Variants in ENTPD1 observed in about 807,000 individuals in gnomAD.
ENTPD1 encodes the protein ectonucleoside triphosphate diphosphohydrolase 1.
ENTPD1 carries 33 observed loss-of-function variants against 57.0 expected under a neutral mutation model. That is an observed-to-expected ratio of 0.58 (90% CI 0.44 to 0.77). ENTPD1 has a LOEUF of 0.77. ENTPD1 is among the 30% of genes least tolerant of loss of function. The pLI, the probability that ENTPD1 is intolerant of heterozygous loss-of-function variation, is 0.00. For synonymous variants in ENTPD1, 202 were observed against 218.8 expected (o/e 0.92, Z 0.68); for missense variants, 501 against 603.4 (o/e 0.83, Z 1.78).
rs2098204869 is a variant in ENTPD1 at position 95,791,757 on chromosome 10, C to G, written c.17-31480C>G. Among the ~76,000 whole-genome samples the G allele has an allele frequency of 6.6e-6, 1 of 152,190 alleles. No homozygotes were observed. The highest frequency in any genetic ancestry group is 1.5e-5 in the Non-Finnish European group (1 of 68,036). On this transcript the variant is annotated intron_variant, in intron 1 of 9. Coordinates refer to ENST00000371205, the MANE Select transcript of ENTPD1 (RefSeq NM_001776.6). This position sits in a 1 kb window ranked among gnomAD's most constrained non-coding sequence, Gnocchi z 4.1. Reference sequence around the variant, plus strand: ...TGGGGGTAGAGGTGTTAAAAGTGAACAGTGCCTGGGCCCCATGCTAGAAAT... The same window carrying G: ...TGGGGGTAGAGGTGTTAAAAGTGAAGAGTGCCTGGGCCCCATGCTAGAAAT...
At chr10:95,806,135 A>G (rs1049816866) in intron 1 of ENTPD1, among the ~76,000 whole-genome samples, 4 of 152,220 alleles carry the variant, frequency 2.6e-5, no homozygotes, top group African/African-American at 7.2e-5. Context: ...CACCAATCAG[A>G]CATAGATTTG....
chr10:95,859,885 T>G (rs939975491), intron 7 of ENTPD1, among the ~76,000 whole-genome samples: 5 of 152,208 alleles, frequency 3.3e-5, no homozygotes, highest in African/African-American at 1.2e-4. Context: ...TTTAACTTTT[T>G]TTATAGTTCT....
intron 1 of ENTPD1, among the ~76,000 whole-genome samples, chr10:95,727,017 C>T (rs886836485): frequency 5.3e-5 from 8 of 152,142 alleles, no homozygotes; most frequent in Admixed American, 1.3e-4. Flanking sequence ...GAAGCTCCTT[C>T]GTCAGTGTTT....
At chr10:95,722,474 T>A (rs1471916985) in intron 1 of ENTPD1, among the ~76,000 whole-genome samples, 30 of 152,026 alleles carry the variant, frequency 2.0e-4, no homozygotes, top group Non-Finnish European at 1.5e-4. Flanking sequence ...CCATAAAAAA[T>A]GATGAGTTCA....
chr10:95,816,143 A>G (rs1435715071), intron 1 of ENTPD1, among the ~76,000 whole-genome samples: 1 of 152,068 alleles, frequency 6.6e-6, no homozygotes, highest in African/African-American at 2.4e-5. Flanking sequence ...CTTGAATTCA[A>G]TTAACACTTT....
intron 2 of ENTPD1, among the ~76,000 whole-genome samples, chr10:95,826,267 A>G (rs1421513099): frequency 1.3e-5 from 2 of 152,128 alleles, no homozygotes; most frequent in Non-Finnish European, 2.9e-5. Context: ...TGGGAAAGAC[A>G]TAGGTAAAGG....
intron 1 of ENTPD1, among the ~76,000 whole-genome samples, chr10:95,731,781 CT>C (rs34841311): frequency 0.12 from 9,747 of 78,930 alleles, 441 homozygotes; most frequent in Middle Eastern, 0.24. Context: ...AGTGGACATC[CT>C]TTTTTTTTTT....
At chr10:95,845,637 C>T (rs773861607) in intron 6 of ENTPD1, 41 bp downstream of exon 6, 20 of 1,614,190 alleles carry the variant, frequency 1.2e-5, no homozygotes, top group Non-Finnish European at 1.7e-5. Context: ...TTCACATCTG[C>T]ACCTCCAGCC....
intron 1 of ENTPD1, among the ~76,000 whole-genome samples, chr10:95,762,189 T>TA (rs1230829696): frequency 1.7e-5 from 2 of 116,728 alleles, no homozygotes; most frequent in South Asian, 5.5e-4. Flanking sequence ...CTGCTTGGTT[T>TA]AAAAAAATTT....
chr10:95,845,818 C>T (rs1479055980), intron 6 of ENTPD1: 11 of 618,754 alleles, frequency 1.8e-5, no homozygotes, highest in African/African-American at 9.2e-5. Flanking sequence ...TCCACAGACA[C>T]AACTGAGATC....
intron 2 of ENTPD1, among the ~76,000 whole-genome samples, chr10:95,827,110 A>T (rs10748648): frequency 0.54 from 81,962 of 151,928 alleles, 22,540 homozygotes; most frequent in Admixed American, 0.63. Flanking sequence ...TAATAATATA[A>T]TTTATGTGGC....
chr10:95,838,990 T>C (rs1373572942), intron 2 of ENTPD1, among the ~76,000 whole-genome samples: 1 of 152,202 alleles, frequency 6.6e-6, no homozygotes, highest in African/African-American at 2.4e-5. Flanking sequence ...GTACATATAT[T>C]GTAAAATATA....
At chr10:95,714,437 A>G (rs1336948928) in intron 1 of ENTPD1, among the ~76,000 whole-genome samples, 1 of 152,132 alleles carries the variant, frequency 6.6e-6, no homozygotes, top group African/African-American at 2.4e-5. Flanking sequence ...TTCAGGTCTC[A>G]GTTTTGGATT....
At chr10:95,737,802 C>T (rs1358282212) in intron 1 of ENTPD1, among the ~76,000 whole-genome samples, 2 of 152,188 alleles carry the variant, frequency 1.3e-5, no homozygotes, top group Admixed American at 6.5e-5. Context: ...GAGTTTTGCT[C>T]TAAATTGCAA....
intron 7 of ENTPD1, among the ~76,000 whole-genome samples, chr10:95,857,110 T>C (rs1170066886): frequency 6.6e-6 from 1 of 152,142 alleles, no homozygotes; most frequent in Non-Finnish European, 1.5e-5. Context: ...AGCAAGATTC[T>C]GAGATGCCAG....
upstream of ENTPD1, among the ~76,000 whole-genome samples, chr10:95,752,679 C>G (rs969097354): frequency 7.9e-5 from 12 of 152,148 alleles, no homozygotes; most frequent in East Asian, 2.3e-3. Context: ...AAAAAAGTTA[C>G]CATATTAATC....
chr10:95,841,331 T>G (rs895298309), intron 3 of ENTPD1, among the ~76,000 whole-genome samples: 3 of 151,610 alleles, frequency 2.0e-5, no homozygotes, highest in Admixed American at 6.6e-5. Flanking sequence ...AGGTTGCAGT[T>G]AGCCGAGATC....
At chr10:95,830,949 G>T (rs1466119364) in intron 2 of ENTPD1, among the ~76,000 whole-genome samples, 1 of 152,186 alleles carries the variant, frequency 6.6e-6, no homozygotes, top group Non-Finnish European at 1.5e-5. Flanking sequence ...ATTCCTTTTG[G>T]CTGGAGAGCA....
At chr10:95,821,133 C>T (rs570645552) in intron 1 of ENTPD1, among the ~76,000 whole-genome samples, 1 of 152,308 alleles carries the variant, frequency 6.6e-6, no homozygotes, top group South Asian at 2.1e-4. Flanking sequence ...AACATCACAA[C>T]GTTGGGAACC....
Sources: allele counts gnomAD v4.1 joint callset (sites outside exome capture counted in the v4.1 genomes callset), GRCh38; gene constraint gnomAD v4.1.1; non-coding constraint Gnocchi (gnomAD v3.1); transcripts MANE v1.5; gene names NCBI Gene and HGNC (gene_info 2026-07-23, HGNC 2026-07-21).